NTMT1: variants seen among roughly 807,000 people sequenced by gnomAD.
The protein encoded by NTMT1 is N-terminal RCC1 methyltransferase.
NTMT1 carries 8 observed loss-of-function variants against 17.5 expected under a neutral mutation model. The observed-to-expected ratio is 0.46, with a 90% confidence interval of 0.27 to 0.82. The LOEUF (loss-of-function observed/expected upper bound fraction) is 0.82. Among genes scored for constraint, NTMT1 ranks in the 40% least tolerant of loss-of-function variants. The pLI is 0.15. For synonymous variants in NTMT1, 128 were observed against 126.8 expected (o/e 1.01, Z -0.06); for missense variants, 221 against 303.5 (o/e 0.73, Z 2.02).
intron 2 of NTMT1, 156 bp downstream of exon 2, chr9:129,633,021 C>A: frequency 2.6e-6 from 2 of 763,292 alleles, no homozygotes; most frequent in Non-Finnish European, 4.2e-6. Context: ...GCTGGGTGGG[C>A]ACAGTGGGGT....
intron 2 of NTMT1, chr9:129,633,739 T>C (rs1357172563): frequency 4.1e-6 from 1 of 244,834 alleles, no homozygotes; most frequent in Admixed American, 5.5e-5. Flanking sequence ...GGTGGGAAGA[T>C]GGAGGATGGC....
intron 1 of NTMT1, among the ~76,000 whole-genome samples, chr9:129,630,428 C>CT (rs1390208896): frequency 6.6e-6 from 1 of 151,984 alleles, no homozygotes; most frequent in Non-Finnish European, 1.5e-5. Flanking sequence ...GAGACCCTTT[C>CT]TAAAAAAAAA....
chr9:129,623,729 G>A (rs1161709562), upstream of NTMT1, among the ~76,000 whole-genome samples: 7 of 150,086 alleles, frequency 4.7e-5, no homozygotes, highest in Non-Finnish European at 1.0e-4. Context: ...ATTGAGTGGG[G>A]GAGGGAGATA....
In NTMT1 at chr9:129,610,300, G is replaced by GCCCC. The variant is rs578072587; in HGVS notation, c.-55+1129_-55+1132dup. ...GGGGCCAGGTCTCCCTGCAGGCCCC[G>GCCCC]CCCCCCCCCCACCGGCGTGGTGCCC... On this transcript the variant is annotated intron_variant, in intron 1 of 3. Coordinates refer to the NTMT1 transcript ENST00000372486. 1.6e-3 allele frequency among the ~76,000 whole-genome samples: 195 copies of GCCCC among 120,634 alleles called. 5 individuals are homozygous for GCCCC. Among genetic ancestry groups the GCCCC allele is most frequent in the Admixed American group, 2.9e-3 (36 of 12,444 alleles). 79.1% of individuals were successfully genotyped at this position (120,634 alleles called of 152,430 possible). A position where few individuals can be genotyped will look rare whatever the true frequency, so the allele number is the denominator to read the frequency against.
rs1360702938 is a variant in NTMT1, at chr9:129,613,347, C to T, written c.-55+4169C>T. On this transcript the variant is annotated intron_variant, in intron 1 of 3. Coordinates refer to the NTMT1 transcript ENST00000372486. The surrounding 1 kb of genome is among the most constrained non-coding windows in gnomAD (Gnocchi z 6.2). ...TTGAGGACCCACACTGGCAACCCGC[C>T]TGCTGCTGGGTGGGGAGGTCTGTAG... is the stretch of plus-strand genomic sequence containing the variant. 4 of 1,571,604 alleles carry T rather than the reference C, an allele frequency of 2.5e-6. No homozygotes were observed. Among genetic ancestry groups the T allele is most frequent in the Admixed American group, 3.6e-5 (2 of 55,494 alleles).
At chr9:129,612,848 GA>G (rs772803493) in intron 1 of NTMT1, among the ~76,000 whole-genome samples, 36 of 152,080 alleles carry the variant, frequency 2.4e-4, no homozygotes, top group Non-Finnish European at 4.7e-4. Context: ...AAAGAGAGGA[GA>G]GGGGAGGGGA....
chr9:129,631,075 C>G (rs1249310352), intron 1 of NTMT1, among the ~76,000 whole-genome samples: 1 of 152,200 alleles, frequency 6.6e-6, no homozygotes, highest in Non-Finnish European at 1.5e-5. Flanking sequence ...CTCTGATGGC[C>G]CATGCTGTCC....
At position 129,633,918 on chromosome 9, in the gene NTMT1, C is replaced by T; in HGVS notation, c.163-136C>T. 5 of 993,656 alleles carry T rather than the reference C, an allele frequency of 5.0e-6. No homozygotes were observed. In the South Asian group the frequency reaches 8.8e-5, roughly 18 times the overall value. The allele number at this position is 993,656 out of a possible 1,614,324, so 61.6% of individuals were successfully genotyped here. Reference sequence around the variant, plus strand: ...ACTCCGTACAAGCTGGCAGCCAGCACAGACCTCCCCACCAGTGCTCAGCTT... The same window carrying T: ...ACTCCGTACAAGCTGGCAGCCAGCATAGACCTCCCCACCAGTGCTCAGCTT... On this transcript the variant is annotated intron_variant, in intron 2 of 3. Transcript: ENST00000372483.
At position 129,620,613 on chromosome 9, in the gene NTMT1, C is replaced by T. The variant is rs761064991; in HGVS notation, c.-55+11435C>T. ...CTCAGCTCACCGCACCCTCAGCGCG[C>T]GTGGGTGGGGGGCGCCGGCTGAGGT... On this transcript the variant is annotated intron_variant, in intron 1 of 3. Coordinates refer to the NTMT1 transcript ENST00000372486. This position sits in a 1 kb window ranked among gnomAD's most constrained non-coding sequence, Gnocchi z 5.8. The T allele has an allele frequency of 7.7e-7, 1 of 1,302,166 alleles. No individual in the cohort carries two copies. Among genetic ancestry groups the T allele is most frequent in the Admixed American group, 3.1e-5 (1 of 31,978 alleles). The allele number at this position is 1,302,166 out of a possible 1,614,324, so 80.7% of individuals were successfully genotyped here.
At chr9:129,619,637 C>A (rs774326129) in intron 1 of NTMT1, 1 of 1,614,008 alleles carries the variant, frequency 6.2e-7, no homozygotes. Context: ...TGACTGGCCC[C>A]TTAAAGACAA....
chr9:129,609,987 T>C (rs892538887), intron 1 of NTMT1, among the ~76,000 whole-genome samples: 6 of 148,894 alleles, frequency 4.0e-5, no homozygotes, highest in African/African-American at 1.5e-4. Context: ...TTGTTTTGTC[T>C]GTGTACCGTG....
upstream of NTMT1, among the ~76,000 whole-genome samples, chr9:129,621,580 C>T (rs541317959): frequency 6.6e-6 from 1 of 152,296 alleles, no homozygotes; most frequent in South Asian, 2.1e-4. Flanking sequence ...GTTGCACGGG[C>T]TGGTCTTGAA....
In NTMT1 at chr9:129,620,129, C is replaced by T; in HGVS notation, c.-55+10951C>T. The T allele has an allele frequency of 6.9e-7, 1 of 1,457,532 alleles. No homozygotes were observed. Among genetic ancestry groups the T allele is most frequent in the Non-Finnish European group, 9.1e-7 (1 of 1,103,378 alleles). The allele number at this position is 1,457,532 out of a possible 1,614,324, so 90.3% of individuals were successfully genotyped here. A position where few individuals can be genotyped will look rare whatever the true frequency, so the allele number is the denominator to read the frequency against. On this transcript the variant is annotated intron_variant, in intron 1 of 3. Transcript: ENST00000372486. This position sits in a 1 kb window ranked among gnomAD's most constrained non-coding sequence, Gnocchi z 5.8. The stretch of plus-strand genomic sequence containing the variant: ...CTGGTGCAGGAACTCACGGAACCTG[C>T]TGGGGAGGAGCTCTCCTAGGAAGGC...
intron 1 of NTMT1, among the ~76,000 whole-genome samples, chr9:129,617,579 T>C (rs1345756466): frequency 6.6e-6 from 1 of 152,268 alleles, no homozygotes. Context: ...TTTGAGAGAA[T>C]GAATTCCATA....
chr9:129,635,273 G>A lies in NTMT1; in HGVS notation c.481G>A (p.Gly161Ser), dbSNP rs769980605. The A allele has an allele frequency of 1.7e-5, 27 of 1,613,396 alleles. No homozygotes were observed. Among genetic ancestry groups the A allele is most frequent in the Non-Finnish European group, 2.0e-5 (24 of 1,180,026 alleles). Residue 161 changes from glycine (G) to serine (S), a missense_variant, in exon 4 of 4, where the codon GGC becomes AGC. By Grantham distance (56) the Gly-to-Ser change is moderately conservative. Coordinates refer to ENST00000372483, the MANE Select transcript of NTMT1 (RefSeq NM_014064.4). ...CTGCAAGGGCAGCCTCCGCCCCAAC[G>A]GCATCATCGTCATCAAAGACAACAT... ...RRCKGSLRPN[G>S]IIVIKDNMAQ...
At position 129,634,165 on chromosome 9, in the gene NTMT1, A is replaced by G. The variant is rs775508138; in HGVS notation, c.274A>G (p.Ile92Val). The change falls in exon 3 of 4, where the codon ATA becomes GTA. Residue 92 changes from isoleucine (I) to valine (V), a missense_variant. Transcript: ENST00000372483. ...GTTCAGAGAGGTGGATATGGTCGAC[A>G]TAACGGAGGACTTCCTGGTTCAAGC... ...PLFREVDMVD[I>V]TEDFLVQAKT... The G allele has an allele frequency of 1.8e-5, 29 of 1,614,106 alleles. 1 individual carries two copies. The highest frequency in any genetic ancestry group is 6.7e-5 in the Admixed American group (4 of 60,012).
upstream of NTMT1, among the ~76,000 whole-genome samples, chr9:129,623,829 T>C (rs1157374546): frequency 2.8e-5 from 4 of 141,640 alleles, no homozygotes; most frequent in Admixed American, 7.1e-5. Context: ...TTTTCTTTTC[T>C]TTTTTTTTTT....
intron 1 of NTMT1, chr9:129,619,442 T>C: frequency 9.8e-7 from 1 of 1,020,356 alleles, no homozygotes; most frequent in Non-Finnish European, 1.5e-6. Flanking sequence ...AATACATTCA[T>C]GGGCGAAAGA....
At chr9:129,625,238 G>A (rs1366129626), upstream of NTMT1, among the ~76,000 whole-genome samples, 9 of 152,220 alleles carry the variant, frequency 5.9e-5, no homozygotes, top group Non-Finnish European at 1.5e-5. Context: ...CCTAGGGAAG[G>A]GCCACGCTTT....
Sources: gnomAD v4.1 joint callset for allele counts (sites outside exome capture counted in the v4.1 genomes callset) on GRCh38, gnomAD v4.1.1 for gene constraint, Gnocchi (gnomAD v3.1) non-coding constraint, MANE v1.5 for transcripts, NCBI Gene and HGNC (gene_info 2026-07-23, HGNC 2026-07-21) for gene names.